Variants in NRXN3 observed in about 807,000 individuals in gnomAD.
The protein encoded by NRXN3 is neurexin 3.
Under a neutral mutation model 137.6 loss-of-function variants are expected in NRXN3, and 32 were observed. That is an observed-to-expected ratio of 0.23 (90% confidence interval 0.18 to 0.31). The LOEUF is 0.31. Among genes scored for constraint, NRXN3 ranks in the 10% least tolerant of loss-of-function variants. NRXN3 has a pLI of 1.00. For missense variants in NRXN3, 1,574 were observed against 2,062.5 expected, an observed-to-expected ratio of 0.76 and a Z score of 4.59; for synonymous variants, 798 against 784.5, an observed-to-expected ratio of 1.02 and a Z score of -0.29.
intron 15 of NRXN3, among the ~76,000 whole-genome samples, chr14:79,101,678 T>C (rs1184661301): frequency 6.6e-6 from 1 of 152,158 alleles, no homozygotes; most frequent in African/African-American, 2.4e-5. Context: ...GCTACCTTGA[T>C]ATTTGCTGTG....
At chr14:79,611,902 A>T (rs140173225) in intron 16 of NRXN3, 64 of 152,366 alleles carry the variant, frequency 4.2e-4, no homozygotes, top group African/African-American at 1.5e-3. Context: ...TACTTGGAAT[A>T]TACTAAGTCA....
chr14:79,713,312 G>A (rs750205626), intron 19 of NRXN3, among the ~76,000 whole-genome samples: 38 of 149,946 alleles, frequency 2.5e-4, no homozygotes, highest in Admixed American at 5.3e-4. Context: ...GTTATTTGCC[G>A]ATTAGCTGCC....
chr14:78,715,164 G>A lies in NRXN3; in HGVS notation c.2044+25G>A, dbSNP rs374065351. ...GGTGAGTCGGCCTAGAGGATGGCAA[G>A]TGAGGGCCTGAGTGGGGCTGATGTG... is the stretch of plus-strand genomic sequence containing the variant. On this transcript the variant is annotated intron_variant, in intron 8 of 20. Transcript: ENST00000335750. 45 of 1,592,752 alleles carry A rather than the reference G, an allele frequency of 2.8e-5. 1 individual carries two copies. The highest frequency in any genetic ancestry group is 3.3e-5 in the Non-Finnish European group (39 of 1,171,446).
Position 78,968,316 on chromosome 14 carries a change from C to T in NRXN3, c.3112C>T (p.Arg1038Trp), listed in dbSNP as rs2099427923. ...AGACCTCATCAATGATGCTCTTCAT[C>T]GGAGCGGACAGATCGAGCGTGGCTG... ...LPDLINDALH[R>W]SGQIERGCEG... is the part of the protein sequence containing the mutation. The change falls in exon 14 of 21, where the codon CGG becomes TGG. Residue 1038 changes from arginine (R) to tryptophan (W), a missense_variant. Coordinates refer to ENST00000335750, the MANE Select transcript of NRXN3 (RefSeq NM_001330195.2). 18 of 1,614,014 alleles carry T rather than the reference C, an allele frequency of 1.1e-5. No homozygotes were observed. The highest frequency in any genetic ancestry group is 2.2e-5 in the East Asian group (1 of 44,864).
chr14:78,497,341 C>T (rs966058711), intron 4 of NRXN3, among the ~76,000 whole-genome samples: 7 of 152,084 alleles, frequency 4.6e-5, no homozygotes, highest in African/African-American at 1.4e-4. Context: ...GGCCTCATTA[C>T]CCTTTAACTT....
In NRXN3 at chr14:79,492,167, A is replaced by T. The variant is rs116242927; in HGVS notation, c.3444+24765A>T. Reference sequence around the variant, plus strand: ...TCTCAACTCTTGAGTTAGTGGATATATAAACTCCAAAAAAATTAATTAAAA... The same window carrying T: ...TCTCAACTCTTGAGTTAGTGGATATTTAAACTCCAAAAAAATTAATTAAAA... On this transcript the variant is annotated intron_variant, in intron 16 of 20. Coordinates refer to ENST00000335750, the MANE Select transcript of NRXN3 (RefSeq NM_001330195.2). Among the ~76,000 whole-genome samples the T allele has an allele frequency of 3.5e-3, 530 of 152,330 alleles. 3 individuals carry two copies. The highest frequency in any genetic ancestry group is 0.012 in the African/African-American group (503 of 41,566).
intron 15 of NRXN3, among the ~76,000 whole-genome samples, chr14:79,438,113 G>C (rs1486414952): frequency 6.6e-6 from 1 of 152,120 alleles, no homozygotes; most frequent in African/African-American, 2.4e-5. Flanking sequence ...TAGGTGCAAG[G>C]TGTCCACCAG....
chr14:79,371,522 A>T (rs964200030), intron 15 of NRXN3, among the ~76,000 whole-genome samples: 14 of 152,042 alleles, frequency 9.2e-5, no homozygotes, highest in African/African-American at 2.7e-4. Flanking sequence ...TCTTTTTTTA[A>T]AAAACTGTTT....
At chr14:79,410,059 T>A (rs1687087507) in intron 15 of NRXN3, among the ~76,000 whole-genome samples, 1 of 151,792 alleles carries the variant, frequency 6.6e-6, no homozygotes, top group African/African-American at 2.4e-5. Flanking sequence ...TAGTTAAGGT[T>A]TTTTTTTGGC....
At chr14:79,497,007 TGA>T (rs1601218114) in intron 16 of NRXN3, among the ~76,000 whole-genome samples, 1 of 152,100 alleles carries the variant, frequency 6.6e-6, no homozygotes, top group East Asian at 1.9e-4. Context: ...TGGGACTAGG[TGA>T]GAGGGGAGCC....
intron 16 of NRXN3, among the ~76,000 whole-genome samples, chr14:79,489,869 C>A (rs553703154): frequency 6.6e-6 from 1 of 151,696 alleles, no homozygotes; most frequent in Non-Finnish European, 1.5e-5. Flanking sequence ...GAAACTCCAC[C>A]TCTACTAAAA....
intron 8 of NRXN3, among the ~76,000 whole-genome samples, chr14:78,738,842 T>C (rs1440785689): frequency 2.0e-5 from 3 of 152,242 alleles, no homozygotes; most frequent in Admixed American, 1.3e-4. Flanking sequence ...AGAAGGCAGA[T>C]GGAAGAATGA....
At chr14:78,865,271 T>A in intron 10 of NRXN3, among the ~76,000 whole-genome samples, 1 of 152,332 alleles carries the variant, frequency 6.6e-6, no homozygotes, top group African/African-American at 2.4e-5. Context: ...AACTTTGAAA[T>A]ATATTGTATT....
intron 4 of NRXN3, among the ~76,000 whole-genome samples, chr14:78,416,749 G>A (rs1399170202): frequency 6.6e-6 from 1 of 152,196 alleles, no homozygotes; most frequent in Non-Finnish European, 1.5e-5. Flanking sequence ...GCTTCCATTT[G>A]CTTGTCCACA....
At chr14:79,075,796 C>T (rs1302481697) in intron 15 of NRXN3, among the ~76,000 whole-genome samples, 3 of 152,166 alleles carry the variant, frequency 2.0e-5, no homozygotes, top group Non-Finnish European at 4.4e-5. Context: ...TCTTGGCCCT[C>T]AATGTGTGTG....
At chr14:79,721,164 T>C (rs183285582) in intron 19 of NRXN3, among the ~76,000 whole-genome samples, 1 of 152,322 alleles carries the variant, frequency 6.6e-6, no homozygotes. Flanking sequence ...AGATAAATTG[T>C]ATTTTTATTC....
intron 1 of NRXN3, among the ~76,000 whole-genome samples, chr14:78,216,875 C>T (rs1234082194): frequency 7.9e-5 from 12 of 152,126 alleles, no homozygotes; most frequent in Admixed American, 5.9e-4. Context: ...TGGCCTCACT[C>T]CAGTGGCCAC....
chr14:78,902,962 T>C (rs1417081672), intron 10 of NRXN3, among the ~76,000 whole-genome samples: 1 of 151,802 alleles, frequency 6.6e-6, no homozygotes, highest in Admixed American at 6.6e-5. Flanking sequence ...AATCTCATCC[T>C]TTTCAAGGTA....
intron 15 of NRXN3, among the ~76,000 whole-genome samples, chr14:79,415,253 C>T (rs979438415): frequency 3.3e-5 from 5 of 152,106 alleles, no homozygotes; most frequent in African/African-American, 9.6e-5. Flanking sequence ...ATAATTGGTC[C>T]TCCATATCCA....
Sources: gnomAD v4.1 joint callset for allele counts (sites outside exome capture counted in the v4.1 genomes callset) on GRCh38, gnomAD v4.1.1 for gene constraint, MANE v1.5 for transcripts, NCBI Gene and HGNC (gene_info 2026-07-23, HGNC 2026-07-21) for gene names.